Variants in MYO10 observed in about 807,000 individuals in gnomAD.
MYO10 encodes myosin X, also known as unconventional myosin-X.
Under a neutral mutation model 257.3 loss-of-function variants are expected in MYO10, and 133 were observed. That is an observed-to-expected ratio of 0.52 (90% CI 0.45 to 0.60). MYO10 has a LOEUF of 0.60. MYO10 is among the 20% of genes least tolerant of loss of function. The pLI is 0.00. For missense variants in MYO10, 2,399 were observed against 2,635.7 expected (o/e 0.91, Z 1.97); for synonymous variants, 1,104 against 1,028.6 (o/e 1.07, Z -1.40).
chr5:16,885,586 C>A (rs1171578135), intron 1 of MYO10, among the ~76,000 whole-genome samples: 1 of 151,770 alleles, frequency 6.6e-6, no homozygotes, highest in African/African-American at 2.4e-5. Flanking sequence ...GCAGGAGAAT[C>A]ACTTGAACCC....
chr5:16,875,969 T>C (rs2625211), intron 2 of MYO10, among the ~76,000 whole-genome samples: 118,586 of 151,932 alleles, frequency 0.78, 46,462 homozygotes, highest in Admixed American at 0.82. Flanking sequence ...AAAAATTAGT[T>C]GGGTGTGGTG....
rs34950225 is a variant in MYO10 at position 16,768,664 on chromosome 5, C to CTTTTTT, written c.1060+404_1060+409dup. Among the ~76,000 whole-genome samples, 417 of 70,070 alleles carry CTTTTTT rather than the reference C, an allele frequency of 6.0e-3. 3 individuals carry two copies. The highest frequency in any genetic ancestry group is 0.022 in the Middle Eastern group (1 of 46). 46.0% of individuals were successfully genotyped at this position (70,070 alleles called of 152,430 possible). A position where few individuals can be genotyped will look rare whatever the true frequency, so the allele number is the denominator to read the frequency against. On this transcript the variant is annotated intron_variant, in intron 10 of 40. Coordinates refer to ENST00000513610, the MANE Select transcript of MYO10 (RefSeq NM_012334.3). The stretch of plus-strand genomic sequence containing the variant: ...AAGGAGTCAGAACATTTTCTCTTTT[C>CTTTTTT]TTTTTTTTTTTTTTTTTTTTTTTTT...
chr5:16,804,759 A>G (rs1284782483), intron 3 of MYO10, among the ~76,000 whole-genome samples: 2 of 151,966 alleles, frequency 1.3e-5, no homozygotes, highest in East Asian at 3.9e-4. Context: ...TACTAAAAAT[A>G]CGAAAATTAG....
Position 16,821,368 on chromosome 5 carries a change from A to G in MYO10, c.121-3201T>C, listed in dbSNP as rs1201989998. On this transcript the variant is annotated intron_variant, in intron 2 of 40. Coordinates refer to ENST00000513610, the MANE Select transcript of MYO10 (RefSeq NM_012334.3). ...GAACAGTTCAGAGCTGGAAACCATC[A>G]CTGAAAAATAGGGCTATAACCTGTA... Among the ~76,000 whole-genome samples the G allele has an allele frequency of 2.7e-5, 4 of 148,488 alleles. No homozygotes were observed. The East Asian group carries it at 8.1e-4, about 30-fold the overall frequency.
At chr5:16,793,446 C>G (rs571719384) in intron 4 of MYO10, among the ~76,000 whole-genome samples, 5 of 152,202 alleles carry the variant, frequency 3.3e-5, no homozygotes, top group African/African-American at 1.2e-4. Flanking sequence ...ATCTCAGCCT[C>G]GCAAGTAGCT....
In MYO10 at chr5:16,665,708, T is replaced by TAAAAGA. The variant is rs1736133903; in HGVS notation, c.*983_*984insTCTTTT. On this transcript the variant is annotated 3_prime_UTR_variant, in exon 41 of 41. Coordinates refer to ENST00000513610, the MANE Select transcript of MYO10 (RefSeq NM_012334.3). Reference sequence around the variant, plus strand: ...GCTAACCTTCCAAGTAACACTTTGTTTTTAACTTAAATCTTTTAGACATGA... The same window carrying TAAAAGA: ...GCTAACCTTCCAAGTAACACTTTGTTAAAAGATTTAACTTAAATCTTTTAGACATGA... The TAAAAGA allele has an allele frequency of 6.6e-6, 1 of 152,478 alleles. No individual in the cohort carries two copies. The allele number at this position is 152,478 out of a possible 1,614,324, so 9.4% of individuals were successfully genotyped here.
At chr5:16,800,697 CACTA>C (rs1343563447) in intron 3 of MYO10, among the ~76,000 whole-genome samples, 1 of 152,170 alleles carries the variant, frequency 6.6e-6, no homozygotes, top group African/African-American at 2.4e-5. Flanking sequence ...TGCTTGGCCT[CACTA>C]CACTGGTTCT....
intron 19 of MYO10, among the ~76,000 whole-genome samples, chr5:16,726,648 T>C (rs1036050891): frequency 1.3e-5 from 2 of 152,214 alleles, no homozygotes; most frequent in African/African-American, 2.4e-5. Context: ...GGGGAGTTCC[T>C]GTAGTTCCAA....
chr5:16,847,794 G>A (rs768618514), intron 2 of MYO10, among the ~76,000 whole-genome samples: 7 of 152,182 alleles, frequency 4.6e-5, no homozygotes, highest in Non-Finnish European at 1.0e-4. Flanking sequence ...GCTGATGCAG[G>A]AGGACTGCTT....
chr5:16,772,198 T>G (rs530402544), intron 9 of MYO10, among the ~76,000 whole-genome samples: 1 of 151,988 alleles, frequency 6.6e-6, no homozygotes, highest in African/African-American at 2.4e-5. Flanking sequence ...AATGGCATGA[T>G]CTCGGCTCAC....
At chr5:16,675,455 C>T (rs916108665) in intron 34 of MYO10, among the ~76,000 whole-genome samples, 6 of 152,082 alleles carry the variant, frequency 3.9e-5, no homozygotes, top group Non-Finnish European at 8.8e-5. Context: ...TCTGGCTACT[C>T]GGCCAGGTGC....
chr5:16,673,174 CAG>C (rs749596197), intron 36 of MYO10, among the ~76,000 whole-genome samples: 1 of 148,626 alleles, frequency 6.7e-6, no homozygotes. Context: ...CAAGGAACAA[CAG>C]AGACTCCAGA....
At chr5:16,900,741 C>CTTTTTTTT (rs1745353417) in intron 1 of MYO10, among the ~76,000 whole-genome samples, 2 of 89,276 alleles carry the variant, frequency 2.2e-5, no homozygotes, top group African/African-American at 8.8e-5. Context: ...CTCCCTAAAT[C>CTTTTTTTT]TTGTTTTTTT....
chr5:16,752,225 A>G (rs1201039191), intron 19 of MYO10, among the ~76,000 whole-genome samples: 1 of 152,200 alleles, frequency 6.6e-6, no homozygotes, highest in Non-Finnish European at 1.5e-5. Flanking sequence ...AAAGCTTCCA[A>G]TTAGACTATG....
chr5:16,753,902 C>T (rs1003296862), intron 19 of MYO10, among the ~76,000 whole-genome samples: 1 of 152,082 alleles, frequency 6.6e-6, no homozygotes, highest in Non-Finnish European at 1.5e-5. Context: ...TATAATAAAC[C>T]AAGTCTCATG....
chr5:16,707,248 G>T (rs933018680), intron 21 of MYO10, among the ~76,000 whole-genome samples: 1 of 152,146 alleles, frequency 6.6e-6, no homozygotes, highest in Non-Finnish European at 1.5e-5. Context: ...CCAGTCTCGG[G>T]TATGTCTTTA....
At position 16,771,891 on chromosome 5, in the gene MYO10, CATT is replaced by C. The variant is rs1162586267; in HGVS notation, c.931-2691_931-2689del. ...CCACCGTGCCCAGCCAGGAACTTATCATTATTATTATTATTATTGACCCAACTC... is the reference window on the plus strand; with the variant it reads ...CCACCGTGCCCAGCCAGGAACTTATCATTATTATTATTATTGACCCAACTC... On this transcript the variant is annotated intron_variant, in intron 9 of 40. Coordinates refer to ENST00000513610, the MANE Select transcript of MYO10 (RefSeq NM_012334.3). Among the ~76,000 whole-genome samples, 389 of 149,288 alleles carry C rather than the reference CATT, an allele frequency of 2.6e-3. 1 individual carries two copies. The highest frequency in any genetic ancestry group is 9.1e-3 in the African/African-American group (374 of 41,114).
rs1347610823 is a variant in MYO10 at position 16,673,900 on chromosome 5, A to G, written c.4965-11T>C. 1.9e-6 allele frequency: 3 copies of G among 1,612,556 alleles called. No homozygotes were observed. The highest frequency in any genetic ancestry group is 2.5e-6 in the Non-Finnish European group (3 of 1,178,912). Reference sequence around the variant, plus strand: ...AACTGTTCCCGTATCCTAGGAGGCAAACACTAACTGTTAATTTTTAGACTG... The same window carrying G: ...AACTGTTCCCGTATCCTAGGAGGCAGACACTAACTGTTAATTTTTAGACTG... On this transcript the variant is annotated splice_polypyrimidine_tract_variant and intron_variant, in intron 35 of 40. Transcript: ENST00000513610.
At chr5:16,672,154 G>A (rs1736496164) in intron 37 of MYO10, among the ~76,000 whole-genome samples, 1 of 152,058 alleles carries the variant, frequency 6.6e-6, no homozygotes, top group Non-Finnish European at 1.5e-5. Context: ...AATTAGCTGG[G>A]CGTGGTAGTA....
Sources: allele counts gnomAD v4.1 joint callset (sites outside exome capture counted in the v4.1 genomes callset), GRCh38; gene constraint gnomAD v4.1.1; transcripts MANE v1.5; gene names NCBI Gene and HGNC (gene_info 2026-07-23, HGNC 2026-07-21).